KDM4B: variants seen among roughly 807,000 people sequenced by gnomAD.
KDM4B encodes lysine demethylase 4B.
In KDM4B, 32 loss-of-function variants were observed where a neutral mutation model predicts 125.2. That is an observed-to-expected ratio of 0.26 (90% confidence interval 0.19 to 0.34). The LOEUF (loss-of-function observed/expected upper bound fraction) is 0.34. Among genes scored for constraint, KDM4B ranks in the 10% least tolerant of loss-of-function variants. KDM4B has a pLI of 1.00. For missense variants in KDM4B, 1,190 were observed against 1,577.7 expected (o/e 0.75, Z 4.16); for synonymous variants, 721 against 677.9 (o/e 1.06, Z -0.99).
In KDM4B at chr19:5,082,497, C is replaced by A; in HGVS notation, c.911C>A (p.Ala304Asp). ...TLRWIDYGKVATQCTCRKDMV... is the reference protein window; with the variant it reads ...TLRWIDYGKVDTQCTCRKDMV... The stretch of plus-strand genomic sequence containing the variant: ...CGGTGGATTGACTACGGCAAAGTGG[C>A]CACTCAGGTAAAAGCTTGCCTGCTG... Residue 304 changes from alanine (A) to aspartate (D), a missense_variant, in exon 9 of 23, where the codon GCC becomes GAC. Physicochemically the swap from Ala to Asp is moderately radical, Grantham distance 126 (BLOSUM62 -2). Transcript: ENST00000159111. The surrounding 1 kb of genome is among the most constrained non-coding windows in gnomAD (Gnocchi z 5.4). 6.2e-7 allele frequency: 1 copy of A among 1,600,152 alleles called. No individual in the cohort carries two copies. Among genetic ancestry groups the A allele is most frequent in the Non-Finnish European group, 8.5e-7 (1 of 1,172,856 alleles).
At position 4,997,686 on chromosome 19, in the gene KDM4B, G is replaced by A. The variant is rs553505028; in HGVS notation, c.-108-18571G>A. Among the ~76,000 whole-genome samples, 4 of 152,106 alleles carry A rather than the reference G, an allele frequency of 2.6e-5. No individual in the cohort carries two copies. The highest frequency in any genetic ancestry group is 9.7e-5 in the African/African-American group (4 of 41,400). Reference sequence around the variant, plus strand: ...CACTCAGAGTCATCCCTGCCTCCTCGAGTTGGTGGGCTGGTCAGCCATGCC... The same window carrying A: ...CACTCAGAGTCATCCCTGCCTCCTCAAGTTGGTGGGCTGGTCAGCCATGCC... On this transcript the variant is annotated intron_variant, in intron 1 of 22. Coordinates refer to ENST00000159111, the MANE Select transcript of KDM4B (RefSeq NM_015015.3). This position sits in a 1 kb window ranked among gnomAD's most constrained non-coding sequence, Gnocchi z 4.2.
intron 2 of KDM4B, among the ~76,000 whole-genome samples, chr19:5,019,488 A>C (rs939899605): frequency 8.6e-6 from 1 of 116,520 alleles, no homozygotes; most frequent in African/African-American, 3.4e-5. Flanking sequence ...GTTGGTGTGC[A>C]GGTGTTGGTG....
At chr19:5,038,533 GC>G (rs1200804590) in intron 3 of KDM4B, among the ~76,000 whole-genome samples, 1 of 152,230 alleles carries the variant, frequency 6.6e-6, no homozygotes, top group African/African-American at 2.4e-5. Context: ...CTGCAGTGCC[GC>G]CTCTGACAGG....
chr19:5,119,523 A>AT, intron 10 of KDM4B, 130 bp from the exon 11 acceptor site: 2 of 909,442 alleles, frequency 2.2e-6, no homozygotes, highest in South Asian at 2.9e-5. Context: ...GCCTCCAGCC[A>AT]GGAGGCCCCC....
At chr19:5,134,356 G>A (rs1448201473) in intron 14 of KDM4B, among the ~76,000 whole-genome samples, 1 of 152,186 alleles carries the variant, frequency 6.6e-6, no homozygotes, top group Admixed American at 6.5e-5. Context: ...TCTGGTGGGC[G>A]CTGAGATGGG....
At chr19:5,098,550 C>T (rs1208338732) in intron 9 of KDM4B, among the ~76,000 whole-genome samples, 2 of 152,104 alleles carry the variant, frequency 1.3e-5, no homozygotes, top group African/African-American at 2.4e-5. Flanking sequence ...CCTGGCAGCA[C>T]GAGGTTGGTC....
At chr19:5,110,894 C>T (rs1029446285) in intron 10 of KDM4B, 76 bp downstream of exon 10, 12 of 1,245,796 alleles carry the variant, frequency 9.6e-6, no homozygotes, top group Middle Eastern at 5.5e-4. Context: ...CAGGCCCCTT[C>T]CCACTGGCAG....
chr19:5,125,807 C>G lies in KDM4B; in HGVS notation c.1316-5269C>G, dbSNP rs375621688. Among the ~76,000 whole-genome samples the G allele has an allele frequency of 6.6e-5, 7 of 105,962 alleles. No homozygotes were observed. In the East Asian group the frequency reaches 2.6e-3, roughly 39 times the overall value. The allele number at this position is 105,962 out of a possible 152,430, so 69.5% of individuals were successfully genotyped here. A position where few individuals can be genotyped will look rare whatever the true frequency, so the allele number is the denominator to read the frequency against. On this transcript the variant is annotated intron_variant, in intron 11 of 22. Coordinates refer to ENST00000159111, the MANE Select transcript of KDM4B (RefSeq NM_015015.3). Reference sequence around the variant, plus strand: ...CCCCCCGCCCTGGACACCCTTATCTCTGTTCCACGACAGAGACTCCTGGGA... The same window carrying G: ...CCCCCCGCCCTGGACACCCTTATCTGTGTTCCACGACAGAGACTCCTGGGA...
intron 6 of KDM4B, among the ~76,000 whole-genome samples, chr19:5,051,080 C>A (rs1413601394): frequency 6.6e-6 from 1 of 152,146 alleles, no homozygotes; most frequent in African/African-American, 2.4e-5. Flanking sequence ...GGGCCAGGCA[C>A]GAAACACAGG....
At chr19:5,119,225 T>C (rs2039312795) in intron 10 of KDM4B, 1 of 1,521,868 alleles carries the variant, frequency 6.6e-7, no homozygotes, top group Non-Finnish European at 8.8e-7. Flanking sequence ...CTGTCGTAAG[T>C]GTCTTTTTCG....
At chr19:4,985,719 C>G (rs950814655) in intron 1 of KDM4B, among the ~76,000 whole-genome samples, 19 of 152,244 alleles carry the variant, frequency 1.2e-4, no homozygotes, top group African/African-American at 4.3e-4. Context: ...AGCGGATGAG[C>G]TGGTGCTGGA....
chr19:5,150,171 C>T (rs376413236), intron 21 of KDM4B, among the ~76,000 whole-genome samples, 187 bp from the exon 22 acceptor site: 34 of 152,238 alleles, frequency 2.2e-4, no homozygotes, highest in African/African-American at 7.2e-4. Flanking sequence ...ACGGGACCCT[C>T]AGCCTGATCC....
chr19:4,970,759 T>C (rs1354663658), intron 1 of KDM4B, among the ~76,000 whole-genome samples: 1 of 152,152 alleles, frequency 6.6e-6, no homozygotes, highest in Non-Finnish European at 1.5e-5. Flanking sequence ...GTGGGCATCC[T>C]CTCTCCGCTT....
chr19:5,139,754 C>T (rs2039709116), intron 18 of KDM4B, among the ~76,000 whole-genome samples: 1 of 152,366 alleles, frequency 6.6e-6, no homozygotes, highest in Non-Finnish European at 1.5e-5. Context: ...TCGCCCATTC[C>T]GTGCCTGGGT....
At chr19:5,125,573 C>T (rs1335282802) in intron 11 of KDM4B, among the ~76,000 whole-genome samples, 1 of 152,220 alleles carries the variant, frequency 6.6e-6, no homozygotes, top group Non-Finnish European at 1.5e-5. Flanking sequence ...CTCCCGAGAT[C>T]CCCGGGGGTC....
At chr19:5,062,046 C>T (rs2037617975) in intron 6 of KDM4B, among the ~76,000 whole-genome samples, 1 of 152,340 alleles carries the variant, frequency 6.6e-6, no homozygotes, top group Admixed American at 6.5e-5. Flanking sequence ...ATGGGGCCTG[C>T]ACCTGCTCTG....
intron 1 of KDM4B, among the ~76,000 whole-genome samples, chr19:4,983,395 A>C (rs1248725288): frequency 6.6e-6 from 1 of 152,078 alleles, no homozygotes; most frequent in Non-Finnish European, 1.5e-5. Context: ...GATGAGACAC[A>C]CCTGACATTC....
At chr19:5,149,920 C>T (rs1296281763) in intron 21 of KDM4B, among the ~76,000 whole-genome samples, 1 of 152,216 alleles carries the variant, frequency 6.6e-6, no homozygotes, top group Non-Finnish European at 1.5e-5. Flanking sequence ...GAGCTCAGGC[C>T]CCTGAGTCCG....
chr19:4,999,355 C>T (rs941671948), intron 1 of KDM4B, among the ~76,000 whole-genome samples: 7 of 152,158 alleles, frequency 4.6e-5, no homozygotes, highest in Non-Finnish European at 8.8e-5. Flanking sequence ...CCACCCTGCT[C>T]GGAGCACTTC....
Sources: gnomAD v4.1 joint callset for allele counts (sites outside exome capture counted in the v4.1 genomes callset) on GRCh38, gnomAD v4.1.1 for gene constraint, Gnocchi (gnomAD v3.1) non-coding constraint, MANE v1.5 for transcripts, NCBI Gene and HGNC (gene_info 2026-07-23, HGNC 2026-07-21) for gene names.